PRKRA: variants seen among roughly 807,000 people sequenced by gnomAD.
PRKRA encodes the protein interferon-inducible double-stranded RNA-dependent protein kinase activator A.
A neutral mutation model predicts 32.4 loss-of-function variants in PRKRA; 22 were observed. The ratio of observed to expected loss-of-function variants is 0.68; its 90% CI spans 0.49 to 0.97. The LOEUF (loss-of-function observed/expected upper bound fraction) is 0.97, where lower values mean the gene tolerates loss of function less well. Among genes scored for constraint, PRKRA ranks in the 50% least tolerant of loss-of-function variants. PRKRA has a pLI of 0.00. For synonymous variants in PRKRA, 139 were observed against 129.8 expected (o/e 1.07, Z -0.48); for missense variants, 319 against 375.6 (o/e 0.85, Z 1.25).
At chr2:178,449,760 A>T (rs768506117) in intron 2 of PRKRA, among the ~76,000 whole-genome samples, 1 of 152,242 alleles carries the variant, frequency 6.6e-6, no homozygotes, top group African/African-American at 2.4e-5. Flanking sequence ...CCCCTTCCTC[A>T]TTTTGTTTGG....
At chr2:178,437,063 A>T (rs926345722) in intron 6 of PRKRA, among the ~76,000 whole-genome samples, 6 of 152,208 alleles carry the variant, frequency 3.9e-5, no homozygotes, top group African/African-American at 1.4e-4. Context: ...AAGTAGGGTT[A>T]CTACTCTTAA....
intron 6 of PRKRA, among the ~76,000 whole-genome samples, chr2:178,437,082 T>C (rs1696929024): frequency 6.6e-6 from 1 of 152,210 alleles, no homozygotes; most frequent in South Asian, 2.1e-4. Context: ...AATATTGTTT[T>C]ATTAATGAGC....
In PRKRA at chr2:178,431,643, C is replaced by T. The variant is rs1046077522; in HGVS notation, c.*454G>A. The T allele has an allele frequency of 3.0e-5, 6 of 197,342 alleles. No homozygotes were observed. The highest frequency in any genetic ancestry group is 4.2e-5 in the Non-Finnish European group (4 of 94,316). The allele number at this position is 197,342 out of a possible 1,614,324, so 12.2% of individuals were successfully genotyped here. ...AATACACAGCAGACCAATCATGTTC[C>T]CTGAAATTTAACAATCAATCATACT... is the stretch of plus-strand genomic sequence containing the variant. On this transcript the variant is annotated 3_prime_UTR_variant, in exon 8 of 8. Coordinates refer to ENST00000325748, the MANE Select transcript of PRKRA (RefSeq NM_003690.5).
chr2:178,449,985 GA>G, intron 2 of PRKRA: 1 of 565,710 alleles, frequency 1.8e-6, no homozygotes. Flanking sequence ...TAGGGTATGA[GA>G]AGAGCCATGC....
Position 178,432,037 on chromosome 2 carries a change from G to A in PRKRA, c.*60C>T. 2 of 1,575,156 alleles carry A rather than the reference G, an allele frequency of 1.3e-6. No homozygotes were observed. The highest frequency in any genetic ancestry group is 1.1e-5 in the South Asian group (1 of 89,536). Reference sequence around the variant, plus strand: ...ACACTACGGTAAAAGTTTTACTTGGGAAGGGGCCAGAGGGGAACTTTTTAT... The same window carrying A: ...ACACTACGGTAAAAGTTTTACTTGGAAAGGGGCCAGAGGGGAACTTTTTAT... On this transcript the variant is annotated 3_prime_UTR_variant, in exon 8 of 8. Coordinates refer to ENST00000325748, the MANE Select transcript of PRKRA (RefSeq NM_003690.5).
intron 1 of PRKRA, 134 bp from the exon 2 acceptor site, chr2:178,450,545 G>A (rs1697547230): frequency 6.4e-7 from 1 of 1,556,792 alleles, no homozygotes; most frequent in South Asian, 1.2e-5. Flanking sequence ...GCCAGAGCTG[G>A]CGAGGCTGGG....
At chr2:178,442,794 C>T (rs570314107) in intron 5 of PRKRA, among the ~76,000 whole-genome samples, 1 of 152,270 alleles carries the variant, frequency 6.6e-6, no homozygotes, top group South Asian at 2.1e-4. Context: ...AGTTTATATC[C>T]TTTATAACAT....
At chr2:178,446,415 G>A (rs1172307579) in intron 3 of PRKRA, among the ~76,000 whole-genome samples, 1 of 152,206 alleles carries the variant, frequency 6.6e-6, no homozygotes, top group African/African-American at 2.4e-5. Flanking sequence ...GGGTTGCCAT[G>A]TCACTGGTTA....
chr2:178,449,487 CTG>C (rs958591171), intron 2 of PRKRA, among the ~76,000 whole-genome samples: 297 of 152,196 alleles, frequency 2.0e-3, no homozygotes, highest in African/African-American at 6.7e-3. Context: ...CCAATGTTTT[CTG>C]TGTTTGCAAT....
At chr2:178,444,609 T>A in intron 3 of PRKRA, 109 bp from the exon 4 acceptor site, 2 of 668,204 alleles carry the variant, frequency 3.0e-6, no homozygotes, top group Non-Finnish European at 2.4e-6. Flanking sequence ...TTGTCATTCC[T>A]TCTACATGGA....
At chr2:178,439,937 G>A (rs941451267) in intron 6 of PRKRA, 2 of 151,716 alleles carry the variant, frequency 1.3e-5, no homozygotes, top group African/African-American at 4.8e-5. Context: ...TTTTACAAAG[G>A]TGTTTCACCA....
chr2:178,450,183 C>T, intron 2 of PRKRA, 59 bp downstream of exon 2: 11 of 1,306,410 alleles, frequency 8.4e-6, no homozygotes, highest in Non-Finnish European at 1.0e-5. Flanking sequence ...AACTGAAAAG[C>T]AACACCAAGT....
chr2:178,447,907 A>G (rs13029484), intron 2 of PRKRA, among the ~76,000 whole-genome samples: 1 of 152,224 alleles, frequency 6.6e-6, no homozygotes, highest in Non-Finnish European at 1.5e-5. Flanking sequence ...AATAAAGTAG[A>G]CCGTGTCACA....
At chr2:178,441,903 T>G (rs1697131603) in intron 5 of PRKRA, among the ~76,000 whole-genome samples, 199 bp from the exon 6 acceptor site, 1 of 151,482 alleles carries the variant, frequency 6.6e-6, no homozygotes, top group Non-Finnish European at 1.5e-5. Context: ...TTTTTTTTTT[T>G]TGAGACGGAC....
At chr2:178,450,877 C>T (rs539905122) in intron 1 of PRKRA, 89 bp downstream of exon 1, 4 of 1,252,342 alleles carry the variant, frequency 3.2e-6, no homozygotes, top group South Asian at 3.3e-5. Context: ...CGGCTTTACC[C>T]AGAATGCCTC....
intron 5 of PRKRA, among the ~76,000 whole-genome samples, chr2:178,442,302 A>G (rs1198037421): frequency 6.6e-6 from 1 of 152,202 alleles, no homozygotes; most frequent in Non-Finnish European, 1.5e-5. Flanking sequence ...TTACTGAACC[A>G]TATTTGGTTT....
intron 4 of PRKRA, 45 bp from the exon 5 acceptor site, chr2:178,443,429 C>G (rs1432569089): frequency 2.9e-6 from 2 of 684,500 alleles, no homozygotes; most frequent in East Asian, 1.0e-4. Context: ...TATGCAATGG[C>G]TCAATCACAT....
chr2:178,443,866 G>C (rs1290668129), intron 4 of PRKRA: 2 of 176,258 alleles, frequency 1.1e-5, no homozygotes, highest in Non-Finnish European at 2.4e-5. Context: ...TCACTGTGCA[G>C]GAAAAGGAGA....
chr2:178,450,060 G>C (rs2154125550), intron 2 of PRKRA, 182 bp downstream of exon 2: 1 of 828,440 alleles, frequency 1.2e-6, no homozygotes, highest in Non-Finnish European at 2.0e-6. Flanking sequence ...GTGGGGAAGA[G>C]AAAATTAGGA....
Sources: allele counts gnomAD v4.1 joint callset (sites outside exome capture counted in the v4.1 genomes callset), GRCh38; gene constraint gnomAD v4.1.1; transcripts MANE v1.5; gene names NCBI Gene and HGNC (gene_info 2026-07-23, HGNC 2026-07-21).